ECT2: variants seen among roughly 807,000 people sequenced by gnomAD.
ECT2 encodes the protein epithelial cell transforming 2.
In ECT2, 61 loss-of-function variants were observed where a neutral mutation model predicts 116.9. The observed-to-expected ratio is 0.52, with a 90% CI of 0.42 to 0.65. The LOEUF is 0.65. ECT2 is among the 30% of genes least tolerant of loss of function. The pLI is 0.00. For missense variants in ECT2, 937 were observed against 1,078.7 expected (o/e 0.87, Z 1.84); for synonymous variants, 358 against 346.4 (o/e 1.03, Z -0.37).
chr3:172,768,210 A>G (rs1400147458), intron 12 of ECT2, among the ~76,000 whole-genome samples: 1 of 152,104 alleles, frequency 6.6e-6, no homozygotes, highest in Non-Finnish European at 1.5e-5. Context: ...AGTTTTCGTT[A>G]TTGTAATTGT....
chr3:172,760,637 T>C (rs935437020), intron 7 of ECT2, among the ~76,000 whole-genome samples: 2 of 151,364 alleles, frequency 1.3e-5, no homozygotes, highest in African/African-American at 4.9e-5. Context: ...GAAAGATGAC[T>C]AGGATCGTGG....
chr3:172,820,250 A>G lies in ECT2; in HGVS notation c.*13A>G, dbSNP rs76273285. On this transcript the variant is annotated 3_prime_UTR_variant, in exon 25 of 25. Transcript: ENST00000392692. ...TCATTTGATATGAAGCGTTACCAAA[A>G]TCTTAAATTATAGAAATGTATAGAC... is the stretch of plus-strand genomic sequence containing the variant. 6.4e-7 allele frequency: 1 copy of G among 1,573,750 alleles called. No homozygotes were observed. The highest frequency in any genetic ancestry group is 8.7e-7 in the Non-Finnish European group (1 of 1,152,924).
At chr3:172,814,721 G>T (rs567637425) in intron 22 of ECT2, among the ~76,000 whole-genome samples, 1 of 151,960 alleles carries the variant, frequency 6.6e-6, no homozygotes, top group Non-Finnish European at 1.5e-5. Context: ...GTGATGTTTT[G>T]ATACATGTAT....
At chr3:172,815,920 A>G (rs1729616382) in intron 23 of ECT2, among the ~76,000 whole-genome samples, 1 of 152,170 alleles carries the variant, frequency 6.6e-6, no homozygotes, top group Admixed American at 6.6e-5. Flanking sequence ...CCGTTACTGT[A>G]ATAATGATGC....
Position 172,762,725 on chromosome 3 carries a change from C to T in ECT2, c.924C>T (p.Cys308=), listed in dbSNP as rs960855534. The change falls in exon 10 of 25, where the codon TGC becomes TGT. Residue 308 remains cysteine (C), a synonymous_variant. Coordinates refer to ENST00000392692, the MANE Select transcript of ECT2 (RefSeq NM_001258315.2). Reference sequence around the variant, plus strand: ...ATTTACCGCTTGGAGATGAAAGATGCACTCACCTTGTAGTTGAAGAGAATA... The same window carrying T: ...ATTTACCGCTTGGAGATGAAAGATGTACTCACCTTGTAGTTGAAGAGAATA... ...GKYLPLGDER[C]THLVVEENIV... 1.2e-6 allele frequency: 2 copies of T among 1,612,708 alleles called. No individual in the cohort carries two copies. Among genetic ancestry groups the T allele is most frequent in the Non-Finnish European group, 8.5e-7 (1 of 1,179,500 alleles).
At chr3:172,779,426 A>G (rs73880275) in intron 14 of ECT2, among the ~76,000 whole-genome samples, 9,344 of 152,216 alleles carry the variant, frequency 0.061, 969 homozygotes, top group African/African-American at 0.21. Flanking sequence ...ACTTTACTGT[A>G]ATTCTTAAAT....
Position 172,805,743 on chromosome 3 carries a change from C to T in ECT2, c.2119C>T (p.Arg707Trp). The change falls in exon 21 of 25, where the codon CGG (arginine) becomes TGG (tryptophan). Residue 707 changes from arginine to tryptophan, a missense_variant. Physicochemically the swap from Arg to Trp is moderately radical, Grantham distance 101 (BLOSUM62 -3). Transcript: ENST00000392692. ...FNDCLEIARK[R>W]HKVIGTFRSP... ...TTTCTATAATCAGATAGCAAGAAAACGGCACAAGGTTATTGGCACTTTTAG... is the reference window on the plus strand; with the variant it reads ...TTTCTATAATCAGATAGCAAGAAAATGGCACAAGGTTATTGGCACTTTTAG... 16 of 1,612,932 alleles carry T rather than the reference C, an allele frequency of 9.9e-6. No homozygotes were observed. The highest frequency in any genetic ancestry group is 4.5e-5 in the East Asian group (2 of 44,844).
At chr3:172,756,891 T>C (rs760115581) in intron 4 of ECT2, 92 bp from the exon 5 acceptor site, 11 of 1,049,912 alleles carry the variant, frequency 1.0e-5, no homozygotes, top group Non-Finnish European at 1.5e-5. Context: ...TTAAAGTTGA[T>C]ATTGAATTGA....
At position 172,806,517 on chromosome 3, in the gene ECT2, G is replaced by A. The variant is rs1304477627; in HGVS notation, c.2245+648G>A. 2.0e-5 allele frequency among the ~76,000 whole-genome samples: 3 copies of A among 151,412 alleles called. No homozygotes were observed. In the East Asian group the frequency reaches 5.8e-4, roughly 29 times the overall value. On this transcript the variant is annotated intron_variant, in intron 21 of 24. Transcript: ENST00000392692. ...TGCATGGCCATATTTTGGATGTTAG[G>A]CATATGTTTTTACAATATTTAGCTC...
intron 15 of ECT2, among the ~76,000 whole-genome samples, chr3:172,783,000 A>C (rs896367205): frequency 6.6e-6 from 1 of 152,116 alleles, no homozygotes; most frequent in Non-Finnish European, 1.5e-5. Context: ...GCTGAATTCT[A>C]CCAGATGTAC....
intron 20 of ECT2, among the ~76,000 whole-genome samples, chr3:172,803,672 TAAG>T (rs1490496961): frequency 6.6e-6 from 1 of 152,214 alleles, no homozygotes; most frequent in Admixed American, 6.5e-5. Context: ...CAGACATTAA[TAAG>T]ATGACTCATT....
At chr3:172,828,177 C>CA in the ECT2 span, among the ~76,000 whole-genome samples, 1 of 152,102 alleles carries the variant, frequency 6.6e-6, no homozygotes. Flanking sequence ...AAAAGATACA[C>CA]AAAATCCCTA....
At chr3:172,778,588 CTTTTTTTTTTT>C (rs5854485) in intron 14 of ECT2, among the ~76,000 whole-genome samples, 25 of 59,780 alleles carry the variant, frequency 4.2e-4, no homozygotes, top group Non-Finnish European at 5.6e-4. Context: ...TATTAGCTAT[CTTTTTTTTTTT>C]TTTTTTTTTT....
chr3:172,783,708 T>C (rs1333557940), intron 15 of ECT2, 91 bp from the exon 16 acceptor site: 3 of 795,640 alleles, frequency 3.8e-6, no homozygotes, highest in African/African-American at 3.5e-5. Context: ...CTATGTCAGA[T>C]TGTGACTACT....
chr3:172,760,343 A>G (rs949168890), intron 7 of ECT2, 80 bp downstream of exon 7: 18 of 724,262 alleles, frequency 2.5e-5, no homozygotes, highest in Admixed American at 1.2e-4. Context: ...TCTTTTATCT[A>G]TTTCTTTCAC....
At chr3:172,769,185 T>C in intron 13 of ECT2, 42 bp downstream of exon 13, 1 of 1,546,928 alleles carries the variant, frequency 6.5e-7, no homozygotes. Context: ...TGTTCCAGTG[T>C]TCCTAAGTAA....
chr3:172,761,674 G>A lies in ECT2; in HGVS notation c.749G>A (p.Arg250Gln), dbSNP rs145057740. The part of the protein sequence containing the change: ...PEWIYKAWER[R>Q]NEQDFYAAVD... ...TGGATTTATAAAGCTTGGGAAAGGC[G>A]GAATGAACAGTAAGTGTTTAGAAAC... The change falls in exon 8 of 25, where the codon CGG (arginine) becomes CAG (glutamine). Residue 250 changes from arginine (R) to glutamine (Q), a missense_variant. Transcript: ENST00000392692. 8.1e-6 allele frequency: 13 copies of A among 1,606,788 alleles called. No homozygotes were observed. Among genetic ancestry groups the A allele is most frequent in the Non-Finnish European group, 1.1e-5 (13 of 1,174,464 alleles).
At chr3:172,780,656 C>CA (rs1722535410) in intron 14 of ECT2, among the ~76,000 whole-genome samples, 1 of 152,182 alleles carries the variant, frequency 6.6e-6, no homozygotes. Context: ...TCAGACCCAT[C>CA]AGTTGTTATT....
chr3:172,808,618 A>G (rs530003125), intron 22 of ECT2, among the ~76,000 whole-genome samples: 127 of 152,330 alleles, frequency 8.3e-4, no homozygotes, highest in African/African-American at 3.0e-3. Flanking sequence ...TCCTCTCTAT[A>G]TATGAGAGAG....
Sources: allele counts gnomAD v4.1 joint callset (sites outside exome capture counted in the v4.1 genomes callset), GRCh38; gene constraint gnomAD v4.1.1; transcripts MANE v1.5; gene names NCBI Gene and HGNC (gene_info 2026-07-23, HGNC 2026-07-21).